ATP11A: variants seen among roughly 807,000 people sequenced by gnomAD.
ATP11A encodes the protein ATPase phospholipid transporting 11A.
In ATP11A, 81 loss-of-function variants were observed where a neutral mutation model predicts 154.4. That is an observed-to-expected ratio of 0.52 (90% confidence interval 0.44 to 0.63). The LOEUF (loss-of-function observed/expected upper bound fraction) is 0.63. ATP11A is among the 30% of genes least tolerant of loss of function. The pLI, the probability that ATP11A is intolerant of heterozygous loss-of-function variation, is 0.00. For missense variants in ATP11A, 1,316 were observed against 1,474.3 expected (o/e 0.89, Z 1.76); for synonymous variants, 623 against 585.9 (o/e 1.06, Z -0.91).
At chr13:112,769,169 G>A (rs1026174760) in intron 1 of ATP11A, among the ~76,000 whole-genome samples, 49 of 152,158 alleles carry the variant, frequency 3.2e-4, no homozygotes, top group African/African-American at 1.2e-3. Flanking sequence ...CCCCATGCCC[G>A]GCCTCCCCCA....
chr13:112,712,234 A>G (rs913084345), intron 1 of ATP11A, among the ~76,000 whole-genome samples: 2 of 152,124 alleles, frequency 1.3e-5, no homozygotes, highest in Admixed American at 6.5e-5. Flanking sequence ...CCCAGGAGTA[A>G]ACAATGTGGT....
chr13:112,787,936 C>T (rs1329240695), intron 2 of ATP11A, among the ~76,000 whole-genome samples: 1 of 150,926 alleles, frequency 6.6e-6, no homozygotes, highest in Non-Finnish European at 1.5e-5. Flanking sequence ...TTAATTCACA[C>T]TGGGTGTCCT....
intron 1 of ATP11A, among the ~76,000 whole-genome samples, chr13:112,701,570 T>C (rs934462480): frequency 2.0e-5 from 3 of 152,290 alleles, no homozygotes; most frequent in Non-Finnish European, 2.9e-5. Flanking sequence ...CGGTGGCTCA[T>C]GCCTGTAATC....
At chr13:112,842,980 C>A (rs937960774) in intron 17 of ATP11A, among the ~76,000 whole-genome samples, 1 of 152,276 alleles carries the variant, frequency 6.6e-6, no homozygotes, top group African/African-American at 2.4e-5. Flanking sequence ...GGCCTCCCCT[C>A]CCCGTCAGAC....
chr13:112,837,363 C>T (rs957393890), intron 16 of ATP11A, among the ~76,000 whole-genome samples: 6 of 152,262 alleles, frequency 3.9e-5, no homozygotes, highest in African/African-American at 7.2e-5. Context: ...AAGCCTCTCC[C>T]GGACCTCAGC....
chr13:112,733,492 C>A (rs950007954), intron 1 of ATP11A, among the ~76,000 whole-genome samples: 3 of 152,208 alleles, frequency 2.0e-5, no homozygotes, highest in Non-Finnish European at 4.4e-5. Context: ...GACATATTTT[C>A]ATTTGTATTT....
chr13:112,858,015 C>T, intron 21 of ATP11A, 95 bp downstream of exon 21: 9 of 1,560,476 alleles, frequency 5.8e-6, no homozygotes, highest in East Asian at 2.3e-5. Context: ...ATTCAGGACA[C>T]CCCCGTCACC....
rs761423818 is a variant in ATP11A at position 112,878,206 on chromosome 13, T to C, written c.3328-11T>C. 1.2e-6 allele frequency: 2 copies of C among 1,614,050 alleles called. No individual in the cohort carries two copies. Among genetic ancestry groups the C allele is most frequent in the Non-Finnish European group, 1.7e-6 (2 of 1,179,900 alleles). On this transcript the variant is annotated splice_polypyrimidine_tract_variant and intron_variant, in intron 28 of 29. Coordinates refer to ENST00000375645, the MANE Select transcript of ATP11A (RefSeq NM_015205.3). The stretch of plus-strand genomic sequence containing the variant: ...ACCCCTGTGTGCGTGGCCGCTGACC[T>C]CGGGACTAAGACTAAGAGCCAGTGC...
intron 6 of ATP11A, 83 bp from the exon 7 acceptor site, chr13:112,819,221 G>A: frequency 8.9e-7 from 1 of 1,122,430 alleles, no homozygotes. Context: ...GCCAGGCTTT[G>A]TAATCACTTG....
intron 1 of ATP11A, among the ~76,000 whole-genome samples, chr13:112,762,730 G>A (rs1420452079): frequency 1.3e-5 from 2 of 152,194 alleles, no homozygotes; most frequent in African/African-American, 2.4e-5. Flanking sequence ...TAAGTTCCAC[G>A]GAATAATTTC....
At position 112,693,115 on chromosome 13, in the gene ATP11A, T is replaced by G. The variant is rs188973508; in HGVS notation, c.39+2660T>G. Among the ~76,000 whole-genome samples, 33 of 152,356 alleles carry G rather than the reference T, an allele frequency of 2.2e-4. No individual in the cohort carries two copies. In the East Asian group the frequency reaches 5.8e-3, roughly 27 times the overall value. ...TTATTGTGGATTAACCCTGGAGAGA[T>G]AGCAGAGGCAAATGAGTGAGAGAAC... On this transcript the variant is annotated intron_variant, in intron 1 of 29. Transcript: ENST00000375645.
chr13:112,716,801 G>GT (rs1348770071), intron 1 of ATP11A, among the ~76,000 whole-genome samples: 1 of 152,120 alleles, frequency 6.6e-6, no homozygotes, highest in African/African-American at 2.4e-5. Flanking sequence ...CCCAGGTGGG[G>GT]TGTGGGTAGG....
rs2079866553 is a variant in ATP11A at position 112,854,520 on chromosome 13, A to G, written c.2233A>G (p.Asn745Asp). 1 of 1,609,968 alleles carries G rather than the reference A, an allele frequency of 6.2e-7. No individual in the cohort carries two copies. Among genetic ancestry groups the G allele is most frequent in the Non-Finnish European group, 8.5e-7 (1 of 1,179,620 alleles). Residue 745 changes from asparagine (N) to aspartate (D), a missense_variant, in exon 19 of 30, where the codon AAC (asparagine) becomes GAC (aspartate). Physicochemically the swap from Asn to Asp is conservative, Grantham distance 23 (BLOSUM62 1). Around this residue, in one of 5 missense-constraint regions of ATP11A, gnomAD observed 876 missense variants for 1,006.8 expected, o/e 0.87. Coordinates refer to ENST00000375645, the MANE Select transcript of ATP11A (RefSeq NM_015205.3). Reference sequence around the variant, plus strand: ...CCACAGCGGGAGCCTGACCAGAGACAACCTGTCCGGGTAGGCAGCGCGTCC... The same window carrying G: ...CCACAGCGGGAGCCTGACCAGAGACGACCTGTCCGGGTAGGCAGCGCGTCC... ...LRHSGSLTRD[N>D]LSGLSADMQD...
Position 112,840,391 on chromosome 13 carries a change from T to TCC in ATP11A, c.1706-1880_1706-1879dup, listed in dbSNP as rs540565411. Among the ~76,000 whole-genome samples, 14 of 60,682 alleles carry TCC rather than the reference T, an allele frequency of 2.3e-4. 1 individual carries two copies. Among genetic ancestry groups the TCC allele is most frequent in the African/African-American group, 6.0e-4 (9 of 14,882 alleles). The allele number at this position is 60,682 out of a possible 152,430, so 39.8% of individuals were successfully genotyped here. A position where few individuals can be genotyped will look rare whatever the true frequency, so the allele number is the denominator to read the frequency against. On this transcript the variant is annotated intron_variant, in intron 16 of 29. Transcript: ENST00000375645. The stretch of plus-strand genomic sequence containing the variant: ...CAGCCTCAGCCTCCCCATTCTCTCA[T>TCC]CCCCCCTGCCTCAGCCTCCTTACTC...
At chr13:112,816,256 C>T (rs1465941193) in intron 6 of ATP11A, 45 bp downstream of exon 6, 4 of 1,612,410 alleles carry the variant, frequency 2.5e-6, no homozygotes, top group Non-Finnish European at 3.4e-6. Context: ...TCTTCCTGTC[C>T]TGCTTCGGAC....
At position 112,753,379 on chromosome 13, in the gene ATP11A, G is replaced by T. The variant is rs2076741870; in HGVS notation, c.40-31756G>T. On this transcript the variant is annotated intron_variant, in intron 1 of 29. Transcript: ENST00000375645. The surrounding 1 kb of genome is among the most constrained non-coding windows in gnomAD (Gnocchi z 4.1). The stretch of plus-strand genomic sequence containing the variant: ...TTTGGAGAAGGGAGATTTCTGAGAA[G>T]GGGGGTACGTTTGCGGTTTGCTCTG... Among the ~76,000 whole-genome samples, 3 of 152,230 alleles carry T rather than the reference G, an allele frequency of 2.0e-5. No homozygotes were observed. Among genetic ancestry groups the T allele is most frequent in the Admixed American group, 1.3e-4 (2 of 15,276 alleles).
At position 112,851,085 on chromosome 13, in the gene ATP11A, G is replaced by A. The variant is rs1349474588; in HGVS notation, c.1858G>A (p.Glu620Lys). 3 of 1,614,094 alleles carry A rather than the reference G, an allele frequency of 1.9e-6. No individual in the cohort carries two copies. Among genetic ancestry groups the A allele is most frequent in the Admixed American group, 1.7e-5 (1 of 60,004 alleles). ...CVAYKRLIQE[E>K]YEGICKLLQA... Reference sequence around the variant, plus strand: ...TGCTTATAAAAGGCTGATCCAAGAAGAATATGAAGGCATTTGTAAGCTGCT... The same window carrying A: ...TGCTTATAAAAGGCTGATCCAAGAAAAATATGAAGGCATTTGTAAGCTGCT... Residue 620 changes from glutamate to lysine, a missense_variant, in exon 18 of 30, where the codon GAA (glutamate) becomes AAA (lysine). Transcript: ENST00000375645.
At chr13:112,789,737 T>TA (rs2077787016) in intron 2 of ATP11A, among the ~76,000 whole-genome samples, 1 of 150,676 alleles carries the variant, frequency 6.6e-6, no homozygotes, top group African/African-American at 2.4e-5. Flanking sequence ...TGTCCTGATG[T>TA]GTAGACCCCT....
Position 112,697,378 on chromosome 13 carries a change from C to T in ATP11A, c.39+6923C>T, listed in dbSNP as rs977971468. On this transcript the variant is annotated intron_variant, in intron 1 of 29. Transcript: ENST00000375645. This position sits in a 1 kb window ranked among gnomAD's most constrained non-coding sequence, Gnocchi z 4.0. ...GAACGTTCCTGGCACAGAAAAGCCA[C>T]GCAGAAAACAGCTGCTGGGCCAACA... is the stretch of plus-strand genomic sequence containing the variant. 6.6e-6 allele frequency among the ~76,000 whole-genome samples: 1 copy of T among 152,030 alleles called. No individual in the cohort carries two copies. The highest frequency in any genetic ancestry group is 1.5e-5 in the Non-Finnish European group (1 of 67,998).
Sources: allele counts gnomAD v4.1 joint callset (sites outside exome capture counted in the v4.1 genomes callset), GRCh38; gene constraint gnomAD v4.1.1; regional missense constraint gnomAD v4.1.1; non-coding constraint Gnocchi (gnomAD v3.1); transcripts MANE v1.5; gene names NCBI Gene and HGNC (gene_info 2026-07-23, HGNC 2026-07-21).